SNAP91: variants seen among roughly 807,000 people sequenced by gnomAD.
SNAP91 encodes clathrin coat assembly protein AP180.
A neutral mutation model predicts 100.3 loss-of-function variants in SNAP91; 27 were observed. The ratio of observed to expected loss-of-function variants is 0.27; its 90% CI spans 0.20 to 0.37. The LOEUF is 0.37. SNAP91 is among the 10% of genes least tolerant of loss of function. The pLI is 1.00. For missense variants in SNAP91, 986 were observed against 1,123.7 expected, an observed-to-expected ratio of 0.88 and a Z score of 1.75; for synonymous variants, 404 against 398.6, an observed-to-expected ratio of 1.01 and a Z score of -0.16.
At chr6:83,606,855 A>C (rs1198640256) in intron 13 of SNAP91, among the ~76,000 whole-genome samples, 1 of 152,252 alleles carries the variant, frequency 6.6e-6, no homozygotes, top group Non-Finnish European at 1.5e-5. Flanking sequence ...TTTATTATTA[A>C]TATCTTAAAG....
intron 28 of SNAP91, among the ~76,000 whole-genome samples, chr6:83,559,614 C>T (rs1784026164): frequency 6.6e-6 from 1 of 152,118 alleles, no homozygotes; most frequent in Non-Finnish European, 1.5e-5. Context: ...GGGGGTGGTC[C>T]TGGGGACTCA....
chr6:83,572,349 T>G (rs1280380057), intron 26 of SNAP91, among the ~76,000 whole-genome samples: 3 of 152,154 alleles, frequency 2.0e-5, no homozygotes. Context: ...TGGGTTCAAG[T>G]GATTCTCCCA....
intron 9 of SNAP91, among the ~76,000 whole-genome samples, chr6:83,617,870 C>A (rs1446746411): frequency 6.6e-6 from 1 of 151,716 alleles, no homozygotes; most frequent in Non-Finnish European, 1.5e-5. Context: ...ACAAATTAGA[C>A]CTTAACAGCA....
At chr6:83,600,316 T>C (rs1301109713) in intron 16 of SNAP91, among the ~76,000 whole-genome samples, 1 of 152,200 alleles carries the variant, frequency 6.6e-6, no homozygotes, top group Non-Finnish European at 1.5e-5. Context: ...GTTAAATGTA[T>C]GTTCCCAGGG....
intron 7 of SNAP91, among the ~76,000 whole-genome samples, chr6:83,643,241 G>GT (rs2097783137): frequency 6.6e-6 from 1 of 152,150 alleles, no homozygotes; most frequent in South Asian, 2.1e-4. Flanking sequence ...TGCTTTTGGT[G>GT]TTTTACACAT....
intron 2 of SNAP91, among the ~76,000 whole-genome samples, chr6:83,706,610 G>A (rs1449214252): frequency 4.6e-5 from 7 of 152,214 alleles, no homozygotes; most frequent in East Asian, 3.8e-4. Context: ...ATCAAGCTTC[G>A]CTTATGCAGA....
intron 12 of SNAP91, 24 bp downstream of exon 12, chr6:83,610,626 C>T (rs1264279314): frequency 3.3e-6 from 2 of 597,788 alleles, no homozygotes; most frequent in Non-Finnish European, 3.1e-6. Flanking sequence ...AAACAAAAAC[C>T]CCCAAACAAA....
chr6:83,690,197 T>C (rs967195623), intron 2 of SNAP91: 1 of 817,228 alleles, frequency 1.2e-6, no homozygotes. Context: ...ATTTGAATAT[T>C]TGAATTTTTT....
intron 2 of SNAP91, among the ~76,000 whole-genome samples, chr6:83,699,585 TAAAAAG>T (rs1183513037): frequency 3.3e-5 from 5 of 152,172 alleles, no homozygotes; most frequent in East Asian, 3.9e-4. Context: ...TTGAAGGACA[TAAAAAG>T]AAAGAGAATG....
intron 16 of SNAP91, among the ~76,000 whole-genome samples, chr6:83,598,235 T>C (rs2094720888): frequency 6.6e-6 from 1 of 152,194 alleles, no homozygotes; most frequent in African/African-American, 2.4e-5. Context: ...TTTAAAGGCG[T>C]AACACTGCCC....
intron 2 of SNAP91, among the ~76,000 whole-genome samples, chr6:83,695,260 G>C (rs368271731): frequency 3.3e-4 from 35 of 106,348 alleles, no homozygotes; most frequent in African/African-American, 1.2e-3. Flanking sequence ...CTGGGTAACA[G>C]AGTGAGGCTC....
chr6:83,593,857 G>A (rs1194052094), intron 17 of SNAP91, 116 bp from the exon 18 acceptor site: 2 of 1,411,040 alleles, frequency 1.4e-6, no homozygotes, highest in Non-Finnish European at 1.9e-6. Context: ...AGCTAGGTGT[G>A]AGGCTCCTTG....
chr6:83,690,275 T>A (rs745766254), intron 2 of SNAP91: 13 of 1,178,908 alleles, frequency 1.1e-5, no homozygotes, highest in Non-Finnish European at 1.4e-5. Flanking sequence ...AATACTGTGA[T>A]CCAAAACAAA....
chr6:83,629,912 C>A (rs771839611), intron 8 of SNAP91, among the ~76,000 whole-genome samples: 1 of 152,036 alleles, frequency 6.6e-6, no homozygotes, highest in Non-Finnish European at 1.5e-5. Flanking sequence ...TGAGAGTAGG[C>A]ATTCTTGTCT....
rs184877269 is a variant in SNAP91 at position 83,702,116 on chromosome 6, A to C, written c.130+5682T>G. ...AACAATACATTTTTCTAAAAAGAGAAAACATTATAAAAGAAATGAAACTAA... is the reference window on the plus strand; with the variant it reads ...AACAATACATTTTTCTAAAAAGAGACAACATTATAAAAGAAATGAAACTAA... On this transcript the variant is annotated intron_variant, in intron 2 of 29. Transcript: ENST00000369694. Among the ~76,000 whole-genome samples the C allele has an allele frequency of 4.5e-4, 69 of 152,352 alleles. No individual in the cohort carries two copies. In the East Asian group the frequency reaches 0.011, roughly 23 times the overall value.
rs921967494 is a variant in SNAP91 at position 83,625,760 on chromosome 6, T to C, written c.766-2418A>G. 2.6e-5 allele frequency among the ~76,000 whole-genome samples: 4 copies of C among 152,196 alleles called. No homozygotes were observed. The East Asian group carries it at 7.7e-4, about 29-fold the overall frequency. ...CTTGGTGATTTATTTAAGTTCCTTA[T>C]AGATTCTGGACATTAGTCACTGGTC... On this transcript the variant is annotated intron_variant, in intron 8 of 29. Transcript: ENST00000369694.
In SNAP91 at chr6:83,593,687, A is replaced by G; in HGVS notation, c.1487T>C (p.Phe496Ser). Residue 496 changes from phenylalanine to serine, a missense_variant, in exon 18 of 30, where the codon TTT (phenylalanine) becomes TCT (serine). Transcript: ENST00000369694. ...SAEAAPELDL[F>S]AMKPPETSVP... is the part of the protein sequence containing the mutation. ...ACTGGTCTCAGGTGGCTTCATTGCA[A>G]AGAGGTCCAGCTCAGGTGCAGCCTC... is the stretch of plus-strand genomic sequence containing the variant. 1 of 1,610,244 alleles carries G rather than the reference A, an allele frequency of 6.2e-7. No homozygotes were observed. Among genetic ancestry groups the G allele is most frequent in the Non-Finnish European group, 8.5e-7 (1 of 1,176,926 alleles).
intron 13 of SNAP91, 53 bp downstream of exon 13, chr6:83,607,646 C>T: frequency 8.3e-7 from 1 of 1,208,940 alleles, no homozygotes; most frequent in African/African-American, 1.5e-5. Flanking sequence ...AAAAATAAAA[C>T]CAAACTCTAA....
At chr6:83,632,643 T>C (rs1005591898) in intron 8 of SNAP91, among the ~76,000 whole-genome samples, 10 of 152,224 alleles carry the variant, frequency 6.6e-5, no homozygotes, top group African/African-American at 2.4e-4. Context: ...CTTTGAGCTA[T>C]GGGTTTCTTT....
Sources: gnomAD v4.1 joint callset for allele counts (sites outside exome capture counted in the v4.1 genomes callset) on GRCh38, gnomAD v4.1.1 for gene constraint, MANE v1.5 for transcripts, NCBI Gene and HGNC (gene_info 2026-07-23, HGNC 2026-07-21) for gene names.